Variants in PCDH15 observed in about 807,000 individuals in gnomAD.
PCDH15 encodes the protein protocadherin related 15.
PCDH15 carries 129 observed loss-of-function variants against 178.5 expected under a neutral mutation model. The ratio of observed to expected loss-of-function variants is 0.72; its 90% confidence interval spans 0.63 to 0.84. The LOEUF is 0.84. Ranked by LOEUF, PCDH15 falls within the 40% of genes least tolerant of loss-of-function variation. The pLI is 0.00. For synonymous variants in PCDH15, 800 were observed against 732.0 expected (o/e 1.09, Z -1.50); for missense variants, 2,230 against 2,099.9 (o/e 1.06, Z -1.21).
At chr10:53,819,529 C>A (rs1424397451) in intron 33 of PCDH15, among the ~76,000 whole-genome samples, 4 of 151,920 alleles carry the variant, frequency 2.6e-5, no homozygotes, top group East Asian at 3.9e-4. Flanking sequence ...CCTCTTTATG[C>A]AATTCATAAT....
intron 2 of PCDH15, among the ~76,000 whole-genome samples, chr10:55,039,504 T>C (rs1840815451): frequency 6.6e-6 from 1 of 152,128 alleles, no homozygotes; most frequent in Non-Finnish European, 1.5e-5. Flanking sequence ...CCAGTAGTTA[T>C]GCATATAAAA....
intron 2 of PCDH15, among the ~76,000 whole-genome samples, chr10:55,475,568 T>G (rs955776682): frequency 6.6e-6 from 1 of 152,118 alleles, no homozygotes; most frequent in African/African-American, 2.4e-5. Context: ...CACCTGACCT[T>G]GTAAAATAGG....
rs1564989465 is a variant in PCDH15 at position 54,332,316 on chromosome 10, T to TAATATAATCTATATTATATTATATATAA, written c.595-2611_595-2610insTTATATATAATATAATATAGATTATATT. Among the ~76,000 whole-genome samples, 43 of 95,754 alleles carry TAATATAATCTATATTATATTATATATAA rather than the reference T, an allele frequency of 4.5e-4. 2 individuals are homozygous for TAATATAATCTATATTATATTATATATAA. Among genetic ancestry groups the TAATATAATCTATATTATATTATATATAA allele is most frequent in the African/African-American group, 8.7e-4 (22 of 25,248 alleles). The allele number at this position is 95,754 out of a possible 152,430, so 62.8% of individuals were successfully genotyped here. A position where few individuals can be genotyped will look rare whatever the true frequency, so the allele number is the denominator to read the frequency against. ...ATATTACATATTATTATATATAATA[T>TAATATAATCTATATTATATTATATATAA]AATATAATCTATATTATATATTATT... On this transcript the variant is annotated intron_variant, in intron 6 of 37. Transcript: ENST00000644397.
chr10:55,389,603 C>T (rs1306005499), intron 2 of PCDH15, among the ~76,000 whole-genome samples: 4 of 152,060 alleles, frequency 2.6e-5, no homozygotes. Flanking sequence ...ACTAGATTTT[C>T]CCCAATGCCT....
intron 2 of PCDH15, among the ~76,000 whole-genome samples, chr10:54,590,186 T>C (rs1448703672): frequency 2.0e-5 from 3 of 152,200 alleles, no homozygotes; most frequent in Non-Finnish European, 2.9e-5. Context: ...TTATCTATGT[T>C]GTTTTGCACC....
chr10:55,273,982 G>T (rs761514354), intron 1 of PCDH15, among the ~76,000 whole-genome samples: 6 of 152,088 alleles, frequency 3.9e-5, no homozygotes, highest in Non-Finnish European at 7.3e-5. Flanking sequence ...TGCACAATGT[G>T]TATGTACACA....
At chr10:55,383,233 G>C (rs1837578758) in intron 2 of PCDH15, among the ~76,000 whole-genome samples, 1 of 151,906 alleles carries the variant, frequency 6.6e-6, no homozygotes, top group Non-Finnish European at 1.5e-5. Flanking sequence ...GCCATCTAAA[G>C]TTAAGCGGTG....
chr10:54,319,386 A>T (rs1249670155), intron 7 of PCDH15, among the ~76,000 whole-genome samples: 1 of 152,210 alleles, frequency 6.6e-6, no homozygotes, highest in Non-Finnish European at 1.5e-5. Context: ...AACAACATGA[A>T]TGAGCCTTGA....
At chr10:54,648,031 G>C (rs558237872) in intron 2 of PCDH15, among the ~76,000 whole-genome samples, 37 of 152,092 alleles carry the variant, frequency 2.4e-4, no homozygotes, top group African/African-American at 8.7e-4. Context: ...TCCTTTTCAA[G>C]GTTAGGAAAG....
chr10:54,836,290 CT>C (rs1389463072), intron 3 of PCDH15, among the ~76,000 whole-genome samples: 1 of 152,022 alleles, frequency 6.6e-6, no homozygotes, highest in Non-Finnish European at 1.5e-5. Flanking sequence ...GAGAGCATTC[CT>C]GACTGGAGTA....
intron 2 of PCDH15, among the ~76,000 whole-genome samples, chr10:54,634,012 A>G (rs1016244270): frequency 6.6e-6 from 1 of 152,148 alleles, no homozygotes; most frequent in Admixed American, 6.6e-5. Flanking sequence ...TGGCCACTGG[A>G]GCCAATCCTT....
rs2132110382 is a variant in PCDH15 at position 55,474,183 on chromosome 10, A to T, written c.-156+153442T>A. 2.6e-5 allele frequency among the ~76,000 whole-genome samples: 4 copies of T among 152,336 alleles called. No homozygotes were observed. In the South Asian group the frequency reaches 8.3e-4, roughly 32 times the overall value. On this transcript the variant is annotated intron_variant, in intron 2 of 5. Transcript: ENST00000613346. ...ACTATGAAATTGGGTAAAAATAAGT[A>T]AAAACTATAAGAAATATATAGGAAG...
At chr10:54,580,267 T>G (rs1205284593) in intron 2 of PCDH15, among the ~76,000 whole-genome samples, 2 of 151,888 alleles carry the variant, frequency 1.3e-5, no homozygotes, top group Non-Finnish European at 2.9e-5. Flanking sequence ...AATAAGCCCA[T>G]TCAGAAACAA....
At chr10:54,360,878 AGTGCCCATCTGTGAATAGAATGAAGTTT>A (rs1264699312) in intron 5 of PCDH15, among the ~76,000 whole-genome samples, 15 of 152,116 alleles carry the variant, frequency 9.9e-5, no homozygotes, top group South Asian at 8.3e-4. Flanking sequence ...TCATAGGGAA[AGTGCCCATCTGTGAATAGAATGAAGTTT>A]AAAAGTATGT....
intron 2 of PCDH15, among the ~76,000 whole-genome samples, chr10:55,141,080 T>C (rs995862831): frequency 6.6e-6 from 1 of 152,042 alleles, no homozygotes; most frequent in South Asian, 2.1e-4. Flanking sequence ...TCCTTGAGTC[T>C]ATAAGTTTGT....
At chr10:54,442,056 G>GA (rs1408715560) in intron 3 of PCDH15, among the ~76,000 whole-genome samples, 1 of 151,550 alleles carries the variant, frequency 6.6e-6, no homozygotes, top group Non-Finnish European at 1.5e-5. Context: ...TCAGGGTGCA[G>GA]AAAAATATTA....
At chr10:53,902,555 T>A (rs1033123548) in intron 26 of PCDH15, among the ~76,000 whole-genome samples, 1 of 152,152 alleles carries the variant, frequency 6.6e-6, no homozygotes, top group East Asian at 1.9e-4. Context: ...TAAAATTCAA[T>A]CTTTAAAATT....
chr10:54,777,265 G>T (rs1022990524), intron 1 of PCDH15, among the ~76,000 whole-genome samples: 41 of 152,018 alleles, frequency 2.7e-4, no homozygotes, highest in African/African-American at 9.9e-4. Context: ...ACCAATCATC[G>T]AGCGCTGGCT....
At chr10:54,556,328 G>A (rs553168766) in intron 2 of PCDH15, among the ~76,000 whole-genome samples, 2 of 151,988 alleles carry the variant, frequency 1.3e-5, no homozygotes, top group African/African-American at 2.4e-5. Flanking sequence ...GAGGCACCCA[G>A]GTACCTTATA....
Sources: gnomAD v4.1 joint callset for allele counts (sites outside exome capture counted in the v4.1 genomes callset) on GRCh38, gnomAD v4.1.1 for gene constraint, MANE v1.5 for transcripts, NCBI Gene and HGNC (gene_info 2026-07-23, HGNC 2026-07-21) for gene names.